The following TPR variants were observed in gnomAD, a reference collection of about 807,000 sequenced individuals.
The protein encoded by TPR is translocated promoter region, nuclear basket protein.
TPR carries 51 observed loss-of-function variants against 316.1 expected under a neutral mutation model. That is an observed-to-expected ratio of 0.16 (90% CI 0.13 to 0.20). TPR has a LOEUF of 0.20. TPR is among the 10% of genes least tolerant of loss of function. The pLI is 1.00. For missense variants in TPR, 2,272 were observed against 2,754.8 expected, an observed-to-expected ratio of 0.82 and a Z score of 3.92; for synonymous variants, 981 against 914.7, an observed-to-expected ratio of 1.07 and a Z score of -1.31.
chr1:186,341,282 T>A lies in TPR; in HGVS notation c.3858A>T (p.Leu1286=), dbSNP rs1280560858. Residue 1286 remains leucine, a synonymous_variant, in exon 28 of 51, where the codon CTA becomes CTT. Coordinates refer to ENST00000367478, the MANE Select transcript of TPR (RefSeq NM_003292.3). Reference sequence around the variant, plus strand: ...CTTGCATTTGCTGTAGATCCTGTTCTAGTCTCTCCTTCTCTTCTCTTAGCA... The same window carrying A: ...CTTGCATTTGCTGTAGATCCTGTTCAAGTCTCTCCTTCTCTTCTCTTAGCA... The part of the protein sequence containing the change: ...NKMLREEKER[L]EQDLQQMQAK... 6.2e-7 allele frequency: 1 copy of A among 1,613,978 alleles called. No homozygotes were observed. The highest frequency in any genetic ancestry group is 1.3e-5 in the African/African-American group (1 of 74,942).
intron 33 of TPR, 93 bp downstream of exon 33, chr1:186,336,403 G>C (rs1223236774): frequency 1.7e-6 from 2 of 1,209,866 alleles, no homozygotes; most frequent in Non-Finnish European, 2.4e-6. Context: ...CCCTTCATAA[G>C]TAGATACCTT....
chr1:186,374,767 AG>A, intron 1 of TPR, 110 bp downstream of exon 1: 1 of 1,164,094 alleles, frequency 8.6e-7, no homozygotes, highest in Non-Finnish European at 1.2e-6. Flanking sequence ...CACAGAGCCC[AG>A]GAAGTGAGGT....
At chr1:186,359,736 T>A in intron 12 of TPR, 63 bp downstream of exon 12, 2 of 1,496,660 alleles carry the variant, frequency 1.3e-6, no homozygotes, top group Non-Finnish European at 8.9e-7. Context: ...GAAAAAAAAA[T>A]ACCTAGTAAA....
At chr1:186,331,275 T>C (rs912662372) in intron 39 of TPR, among the ~76,000 whole-genome samples, 4 of 152,094 alleles carry the variant, frequency 2.6e-5, no homozygotes, top group African/African-American at 4.8e-5. Flanking sequence ...ATCTGTGCTA[T>C]ATATGAACAA....
chr1:186,351,814 T>A lies in TPR; in HGVS notation c.2469+162A>T, dbSNP rs1658869810. 3.9e-6 allele frequency: 3 copies of A among 769,286 alleles called. No homozygotes were observed. The Admixed American group carries it at 1.1e-4, about 28-fold the overall frequency. The allele number at this position is 769,286 out of a possible 1,614,324, so 47.7% of individuals were successfully genotyped here. ...TTCAATCAATTCTCTTTCAATATTT[T>A]ATTTAAAATATTTAAATGTCTTAAT... On this transcript the variant is annotated intron_variant, in intron 19 of 50. Transcript: ENST00000367478.
chr1:186,367,662 A>G (rs1419394940), intron 4 of TPR, among the ~76,000 whole-genome samples: 6 of 152,220 alleles, frequency 3.9e-5, no homozygotes. Context: ...CCAAATTACT[A>G]CTTCTTTGAG....
chr1:186,338,474 T>C (rs1006930755), intron 30 of TPR, among the ~76,000 whole-genome samples: 9 of 152,296 alleles, frequency 5.9e-5, no homozygotes, highest in Non-Finnish European at 8.8e-5. Flanking sequence ...GAGCTACCAA[T>C]GGTCAAGTAA....
At chr1:186,325,723 C>A (rs1657905931) in intron 42 of TPR, 41 bp downstream of exon 42, 1 of 1,507,984 alleles carries the variant, frequency 6.6e-7, no homozygotes, top group Admixed American at 1.7e-5. Context: ...TTAGAAAATA[C>A]CAGAGATATT....
At chr1:186,358,511 A>T (rs372825114) in intron 13 of TPR, 32 bp downstream of exon 13, 27 of 1,571,086 alleles carry the variant, frequency 1.7e-5, no homozygotes, top group Non-Finnish European at 2.4e-5. Flanking sequence ...TCAGGTTTTT[A>T]AAAGTAGGAA....
intron 21 of TPR, 37 bp from the exon 22 acceptor site, chr1:186,347,495 T>C (rs752766386): frequency 6.2e-7 from 1 of 1,602,388 alleles, no homozygotes; most frequent in Non-Finnish European, 8.5e-7. Context: ...ATTAACATTT[T>C]CAATAGTATT....
In TPR at chr1:186,313,135, A is replaced by G; in HGVS notation, c.*836T>C. 1 of 521,942 alleles carries G rather than the reference A, an allele frequency of 1.9e-6. No homozygotes were observed. The highest frequency in any genetic ancestry group is 2.1e-5 in the South Asian group (1 of 47,632). The allele number at this position is 521,942 out of a possible 1,614,324, so 32.3% of individuals were successfully genotyped here. A position where few individuals can be genotyped will look rare whatever the true frequency, so the allele number is the denominator to read the frequency against. On this transcript the variant is annotated 3_prime_UTR_variant, in exon 51 of 51. Coordinates refer to ENST00000367478, the MANE Select transcript of TPR (RefSeq NM_003292.3). ...GATAAAACATCCAGTTACTAGAGTAAACTTGCTACTGACAATAGTATTTTA... is the reference window on the plus strand; with the variant it reads ...GATAAAACATCCAGTTACTAGAGTAGACTTGCTACTGACAATAGTATTTTA...
rs867718769 is a variant in TPR, at chr1:186,327,733, T to C, written c.5689-73A>G. 84 of 1,329,890 alleles carry C rather than the reference T, an allele frequency of 6.3e-5. No individual in the cohort carries two copies. The African/African-American group carries it at 1.1e-3, about 17-fold the overall frequency. The allele number at this position is 1,329,890 out of a possible 1,614,324, so 82.4% of individuals were successfully genotyped here. A position where few individuals can be genotyped will look rare whatever the true frequency, so the allele number is the denominator to read the frequency against. ...ACCTAAAACTATATGTGAGGTATTATTATAGGTCAAAGTAAAGAATAATGA... is the reference window on the plus strand; with the variant it reads ...ACCTAAAACTATATGTGAGGTATTACTATAGGTCAAAGTAAAGAATAATGA... On this transcript the variant is annotated intron_variant, in intron 39 of 50. Transcript: ENST00000367478.
Position 186,355,775 on chromosome 1 carries a change from GAAAGT to G in TPR, c.1889-12_1889-8del, listed in dbSNP as rs1179434176. ...ACATCATCTAAGCTTGAAGCTTCAG[GAAAGT>G]AAAGACTAATAAAATGCTTTGTTGG... On this transcript the variant is annotated splice_region_variant and splice_polypyrimidine_tract_variant and intron_variant, in intron 15 of 50. Coordinates refer to ENST00000367478, the MANE Select transcript of TPR (RefSeq NM_003292.3). 1 of 1,612,694 alleles carries G rather than the reference GAAAGT, an allele frequency of 6.2e-7. No homozygotes were observed. Among genetic ancestry groups the G allele is most frequent in the East Asian group, 2.2e-5 (1 of 44,868 alleles).
chr1:186,351,579 G>A (rs1322051372), intron 19 of TPR, 109 bp from the exon 20 acceptor site: 5 of 1,208,876 alleles, frequency 4.1e-6, no homozygotes, highest in Middle Eastern at 2.3e-4. Context: ...TCTACATGAA[G>A]CAGCTAAAAT....
intron 39 of TPR, 128 bp from the exon 40 acceptor site, chr1:186,327,788 A>ATTT: frequency 5.7e-6 from 4 of 697,524 alleles, no homozygotes; most frequent in Non-Finnish European, 8.6e-6. Context: ...ATTTAATTTA[A>ATTT]TTTTTTTTTT....
chr1:186,321,882 G>C (rs1342730030), intron 45 of TPR, among the ~76,000 whole-genome samples: 2 of 152,128 alleles, frequency 1.3e-5, no homozygotes, highest in Non-Finnish European at 2.9e-5. Flanking sequence ...CATGTGTCAG[G>C]TAACATCTTA....
At chr1:186,372,459 T>C (rs1203322176) in intron 2 of TPR, among the ~76,000 whole-genome samples, 1 of 152,066 alleles carries the variant, frequency 6.6e-6, no homozygotes, top group Non-Finnish European at 1.5e-5. Context: ...CAAGAATCGC[T>C]TGAACCCAAG....
chr1:186,317,877 T>C (rs1244891247), intron 48 of TPR, among the ~76,000 whole-genome samples: 1 of 152,228 alleles, frequency 6.6e-6, no homozygotes, highest in African/African-American at 2.4e-5. Flanking sequence ...GATGTTCACA[T>C]TCTTGACACT....
chr1:186,360,107 A>G, intron 11 of TPR, 111 bp from the exon 12 acceptor site: 1 of 1,312,738 alleles, frequency 7.6e-7, no homozygotes, highest in Non-Finnish European at 1.1e-6. Flanking sequence ...GGCAATGTTT[A>G]CTATGTTAGT....
Sources: gnomAD v4.1 joint callset for allele counts (sites outside exome capture counted in the v4.1 genomes callset) on GRCh38, gnomAD v4.1.1 for gene constraint, MANE v1.5 for transcripts, NCBI Gene and HGNC (gene_info 2026-07-23, HGNC 2026-07-21) for gene names.